DSG2: variants seen among roughly 807,000 people sequenced by gnomAD.
The protein encoded by DSG2 is desmoglein 2, also known as desmoglein-2.
A neutral mutation model predicts 75.6 loss-of-function variants in DSG2; 45 were observed. That is an observed-to-expected ratio of 0.60 (90% CI 0.47 to 0.76). DSG2 has a LOEUF of 0.76. DSG2 is among the 30% of genes least tolerant of loss of function. The probability of loss-of-function intolerance (pLI) is 0.00; values close to 1 mark genes in which losing one functional copy is unlikely to be tolerated. For synonymous variants in DSG2, 429 were observed against 483.9 expected, an observed-to-expected ratio of 0.89 and a Z score of 1.49; for missense variants, 1,267 against 1,357.4, an observed-to-expected ratio of 0.93 and a Z score of 1.05.
At position 31,522,035 on chromosome 18, in the gene DSG2, A is replaced by G. The variant is rs202233911; in HGVS notation, c.524-48A>G. 851 of 1,558,252 alleles carry G rather than the reference A, an allele frequency of 5.5e-4. 1 individual carries two copies. The highest frequency in any genetic ancestry group is 3.6e-4 in the Non-Finnish European group (404 of 1,132,040). ...ATTATAAATAAAATAACAGGTAAATATGCTTAAAGTTGAATTTCATCTTAG... is the reference window on the plus strand; with the variant it reads ...ATTATAAATAAAATAACAGGTAAATGTGCTTAAAGTTGAATTTCATCTTAG... On this transcript the variant is annotated intron_variant, in intron 5 of 14. Coordinates refer to ENST00000261590, the MANE Select transcript of DSG2 (RefSeq NM_001943.5).
Position 31,517,197 on chromosome 18 carries a change from T to C in DSG2, c.46-1042T>C, listed in dbSNP as rs371307816. ...TACAAATACAACATCTTCTCACTTATATGTGGGAGCTAAAAGTTTTGATCT... is the reference window on the plus strand; with the variant it reads ...TACAAATACAACATCTTCTCACTTACATGTGGGAGCTAAAAGTTTTGATCT... On this transcript the variant is annotated intron_variant, in intron 1 of 14. Coordinates refer to ENST00000261590, the MANE Select transcript of DSG2 (RefSeq NM_001943.5). Among the ~76,000 whole-genome samples, 18 of 152,284 alleles carry C rather than the reference T, an allele frequency of 1.2e-4. No individual in the cohort carries two copies. In the East Asian group the frequency reaches 2.7e-3, roughly 23 times the overall value.
rs1463923566 is a variant in DSG2 at position 31,542,840 on chromosome 18, T to C, written c.2322T>C (p.Asn774=). 3 of 1,547,030 alleles carry C rather than the reference T, an allele frequency of 1.9e-6. No homozygotes were observed. The highest frequency in any genetic ancestry group is 2.1e-5 in the Admixed American group (1 of 48,150). ...CACTGAACGAAGAATTCTTAAGAAATTATTTCACTGATGTAAGGATGAGTT... is the reference window on the plus strand; with the variant it reads ...CACTGAACGAAGAATTCTTAAGAAACTATTTCACTGATGTAAGGATGAGTT... ...AVALNEEFLR[N]YFTDKAASYT... Residue 774 remains asparagine, a synonymous_variant, in exon 14 of 15, where the codon AAT becomes AAC. Coordinates refer to ENST00000261590, the MANE Select transcript of DSG2 (RefSeq NM_001943.5).
intron 8 of DSG2, among the ~76,000 whole-genome samples, chr18:31,527,915 A>G (rs2073172379): frequency 6.6e-6 from 1 of 152,206 alleles, no homozygotes; most frequent in Admixed American, 6.5e-5. Flanking sequence ...ACATCCAACA[A>G]GCTCCACTAG....
chr18:31,511,134 T>A (rs1247057841), intron 1 of DSG2, among the ~76,000 whole-genome samples: 3 of 152,204 alleles, frequency 2.0e-5, no homozygotes, highest in Non-Finnish European at 4.4e-5. Flanking sequence ...TGTATTACTG[T>A]CCTGACCCTG....
intron 1 of DSG2, among the ~76,000 whole-genome samples, chr18:31,515,666 C>T (rs2073090589): frequency 6.6e-6 from 1 of 152,134 alleles, no homozygotes; most frequent in South Asian, 2.1e-4. Flanking sequence ...AAGAAGAGAT[C>T]ATAGATCTGA....
At chr18:31,524,200 C>T (rs2073146798) in intron 6 of DSG2, among the ~76,000 whole-genome samples, 1 of 152,208 alleles carries the variant, frequency 6.6e-6, no homozygotes, top group Non-Finnish European at 1.5e-5. Context: ...TTTGTGCAGA[C>T]TATCTCCTGA....
chr18:31,507,720 T>A (rs1568101194), intron 1 of DSG2, among the ~76,000 whole-genome samples: 1 of 152,250 alleles, frequency 6.6e-6, no homozygotes, highest in Non-Finnish European at 1.5e-5. Flanking sequence ...TGCATAAATG[T>A]CTTCTTTTGA....
chr18:31,537,478 G>T (rs941107074), intron 11 of DSG2, among the ~76,000 whole-genome samples: 1 of 151,980 alleles, frequency 6.6e-6, no homozygotes, highest in African/African-American at 2.4e-5. Context: ...AATTAGCCGG[G>T]CGTGGTGGCA....
Position 31,521,079 on chromosome 18 carries a change from T to A in DSG2, c.379-20T>A, listed in dbSNP as rs2073124859. ...AGTTTTCTTAGCTTAAATCTAATCT[T>A]ATTTATGTCATGATTTCAGCTAACA... On this transcript the variant is annotated intron_variant, in intron 4 of 14. Coordinates refer to ENST00000261590, the MANE Select transcript of DSG2 (RefSeq NM_001943.5). 4 of 1,613,796 alleles carry A rather than the reference T, an allele frequency of 2.5e-6. No individual in the cohort carries two copies. The highest frequency in any genetic ancestry group is 3.4e-6 in the Non-Finnish European group (4 of 1,179,864).
chr18:31,536,319 A>G lies in DSG2; in HGVS notation c.1541A>G (p.Asn514Ser). 6.2e-7 allele frequency: 1 copy of G among 1,614,198 alleles called. No individual in the cohort carries two copies. The highest frequency in any genetic ancestry group is 1.1e-5 in the South Asian group (1 of 91,082). The stretch of plus-strand genomic sequence containing the variant: ...ATCTGTCACGATGCAGAGTATGTGA[A>G]TGTTACTGCAGAGGACCTGGATGGA... ...QTICHDAEYV[N>S]VTAEDLDGHP... Residue 514 changes from asparagine to serine, a missense_variant, in exon 11 of 15, where the codon AAT becomes AGT. Coordinates refer to ENST00000261590, the MANE Select transcript of DSG2 (RefSeq NM_001943.5).
At chr18:31,517,809 T>C (rs1356431805) in intron 1 of DSG2, among the ~76,000 whole-genome samples, 1 of 152,014 alleles carries the variant, frequency 6.6e-6, no homozygotes, top group Non-Finnish European at 1.5e-5. Context: ...TGTGTGTTTT[T>C]TTGTGTGTGT....
At chr18:31,515,341 A>AT (rs2073088789) in intron 1 of DSG2, among the ~76,000 whole-genome samples, 1 of 152,008 alleles carries the variant, frequency 6.6e-6, no homozygotes, top group Non-Finnish European at 1.5e-5. Flanking sequence ...ATCAGACCTC[A>AT]TGATCCGCCT....
Position 31,524,069 on chromosome 18 carries a change from C to A in DSG2, c.691-379C>A, listed in dbSNP as rs553932886. On this transcript the variant is annotated intron_variant, in intron 6 of 14. Transcript: ENST00000261590. Reference sequence around the variant, plus strand: ...GTTCACCCAGTTTTGCCTTCACTAACCAAGTTTATTTAGGACCAGCTTCTC... The same window carrying A: ...GTTCACCCAGTTTTGCCTTCACTAAACAAGTTTATTTAGGACCAGCTTCTC... Among the ~76,000 whole-genome samples the A allele has an allele frequency of 2.8e-4, 42 of 152,334 alleles. No individual in the cohort carries two copies. In the East Asian group the frequency reaches 8.1e-3, roughly 29 times the overall value.
In DSG2 at chr18:31,519,972, A is replaced by G. The variant is rs767073425; in HGVS notation, c.216+35A>G. On this transcript the variant is annotated intron_variant, in intron 3 of 14. Coordinates refer to ENST00000261590, the MANE Select transcript of DSG2 (RefSeq NM_001943.5). ...AAAGAGGAACATGAAATACATGCAT[A>G]TGACTAAAATGTGGTGTGAGAGGAC... 4.7e-5 allele frequency: 76 copies of G among 1,613,744 alleles called. No individual in the cohort carries two copies. In the South Asian group the frequency reaches 7.7e-4, roughly 16 times the overall value.
Position 31,536,345 on chromosome 18 carries a change from CA to C in DSG2, c.1568del (p.His523ProfsTer24). The part of the protein sequence containing the change: ...VNVTAEDLDG[H>X]PNSGPFSFSV... ...TGTTACTGCAGAGGACCTGGATGGACACCCAAACAGTGGCCCTTTCAGTTTC... is the reference window on the plus strand; with the variant it reads ...TGTTACTGCAGAGGACCTGGATGGACCCCAAACAGTGGCCCTTTCAGTTTC... On this transcript the variant is annotated frameshift_variant, in exon 11 of 15. Coordinates refer to ENST00000261590, the MANE Select transcript of DSG2 (RefSeq NM_001943.5). LOFTEE classifies it high-confidence loss of function. The C allele has an allele frequency of 6.2e-7, 1 of 1,614,182 alleles. No homozygotes were observed. Among genetic ancestry groups the C allele is most frequent in the South Asian group, 1.1e-5 (1 of 91,082 alleles).
At chr18:31,507,752 C>T (rs2073046354) in intron 1 of DSG2, among the ~76,000 whole-genome samples, 1 of 152,124 alleles carries the variant, frequency 6.6e-6, no homozygotes, top group Admixed American at 6.6e-5. Context: ...TCATATCCTT[C>T]ACCCACCTTT....
intron 1 of DSG2, among the ~76,000 whole-genome samples, chr18:31,514,029 G>A (rs1283108080): frequency 2.0e-5 from 3 of 152,142 alleles, no homozygotes; most frequent in African/African-American, 7.2e-5. Flanking sequence ...AAAGACCAGA[G>A]GATATAAAGG....
chr18:31,541,660 G>A (rs978307650), intron 13 of DSG2, among the ~76,000 whole-genome samples: 6 of 151,990 alleles, frequency 3.9e-5, no homozygotes, highest in Non-Finnish European at 8.8e-5. Context: ...CAATACATAG[G>A]GTTTGCAGAG....
In DSG2 at chr18:31,536,379, T is replaced by A; in HGVS notation, c.1601T>A (p.Ile534Asn). 1 of 1,614,168 alleles carries A rather than the reference T, an allele frequency of 6.2e-7. No individual in the cohort carries two copies. The highest frequency in any genetic ancestry group is 8.5e-7 in the Non-Finnish European group (1 of 1,180,040). Residue 534 changes from isoleucine to asparagine, a missense_variant, in exon 11 of 15, where the codon ATT becomes AAT. By Grantham distance (149) the Ile-to-Asn change is moderately radical. Transcript: ENST00000261590. ...PNSGPFSFSV[I>N]DKPPGMAEKW... ...AGTGGCCCTTTCAGTTTCTCCGTCA[T>A]TGACAAACCACCTGGCATGGCAGAA...
Sources: allele counts gnomAD v4.1 joint callset (sites outside exome capture counted in the v4.1 genomes callset), GRCh38; gene constraint gnomAD v4.1.1; transcripts MANE v1.5; gene names NCBI Gene and HGNC (gene_info 2026-07-23, HGNC 2026-07-21).